SRPRB: variants seen among roughly 807,000 people sequenced by gnomAD.
SRPRB encodes SRP receptor subunit beta.
Under a neutral mutation model 31.9 loss-of-function variants are expected in SRPRB, and 20 were observed. The observed-to-expected ratio is 0.63, with a 90% CI of 0.44 to 0.91. SRPRB has a LOEUF of 0.91. SRPRB is among the 40% of genes least tolerant of loss of function. The pLI, the probability that SRPRB is intolerant of heterozygous loss-of-function variation, is 0.00. For missense variants in SRPRB, 321 were observed against 324.9 expected, an observed-to-expected ratio of 0.99 and a Z score of 0.09; for synonymous variants, 146 against 132.8, an observed-to-expected ratio of 1.10 and a Z score of -0.68.
downstream of SRPRB, among the ~76,000 whole-genome samples, chr3:133,822,686 T>G (rs536744324): frequency 1.7e-4 from 26 of 152,346 alleles, no homozygotes; most frequent in African/African-American, 6.3e-4. Context: ...TCAGCCAGTC[T>G]ATGTTTTTTC....
At chr3:133,804,787 A>G (rs975708351), upstream of SRPRB, among the ~76,000 whole-genome samples, 3 of 152,188 alleles carry the variant, frequency 2.0e-5, no homozygotes, top group African/African-American at 7.2e-5. Context: ...GCAATGTGGA[A>G]CTGTAATAAA....
At chr3:133,806,805 T>G in intron 2 of SRPRB, 102 bp downstream of exon 2, 1 of 903,614 alleles carries the variant, frequency 1.1e-6, no homozygotes, top group Non-Finnish European at 1.7e-6. Context: ...AAGCTGATGC[T>G]GTTAAATTTG....
upstream of SRPRB, among the ~76,000 whole-genome samples, chr3:133,802,463 A>G (rs6762366): frequency 0.019 from 2,864 of 152,240 alleles, 94 homozygotes; most frequent in African/African-American, 0.065. Flanking sequence ...GCTCATTAAC[A>G]TTAGAAACTA....
chr3:133,819,562 A>C lies in SRPRB; in HGVS notation c.612A>C (p.Leu204Phe). The change falls in exon 7 of 7, where the codon TTA becomes TTC. Residue 204 changes from leucine to phenylalanine, a missense_variant. Leu to Phe is a conservative substitution (Grantham distance 22, BLOSUM62 0). Transcript: ENST00000678299. Reference protein sequence around the residue: ...QQQLEKELNTLRVTRSAAPST... With the variant: ...QQQLEKELNTFRVTRSAAPST... Reference sequence around the variant, plus strand: ...TCCTTTTGCCCCACAGCAACACCTTACGAGTTACCCGTTCTGCTGCCCCCA... The same window carrying C: ...TCCTTTTGCCCCACAGCAACACCTTCCGAGTTACCCGTTCTGCTGCCCCCA... The C allele has an allele frequency of 3.1e-6, 5 of 1,613,550 alleles. No homozygotes were observed. The highest frequency in any genetic ancestry group is 4.2e-6 in the Non-Finnish European group (5 of 1,179,514).
At chr3:133,816,981 A>G (rs1347633171) in intron 6 of SRPRB, 49 bp downstream of exon 6, 1 of 1,455,754 alleles carries the variant, frequency 6.9e-7, no homozygotes, top group Admixed American at 1.9e-5. Context: ...TAACACTTAG[A>G]CTGTAAGCAG....
rs763770019 is a variant in SRPRB at position 133,819,703 on chromosome 3, AAGAG to A, written c.754_757del (p.Arg252GlyfsTer24). On this transcript the variant is annotated frameshift_variant, in exon 7 of 7. Transcript: ENST00000678299. LOFTEE classifies it high-confidence loss of function. ...TCCTGGAGTGCAGTGCCAAGGGTGGAAGAGGGGACGTGGGCTCTGCTGACATCCA... is the reference window on the plus strand; with the variant it reads ...TCCTGGAGTGCAGTGCCAAGGGTGGAGGGACGTGGGCTCTGCTGACATCCA... 1.8e-5 allele frequency: 29 copies of A among 1,614,020 alleles called. No individual in the cohort carries two copies. Among genetic ancestry groups the A allele is most frequent in the Non-Finnish European group, 2.3e-5 (27 of 1,180,030 alleles).
chr3:133,806,389 T>G (rs189118153), intron 1 of SRPRB, among the ~76,000 whole-genome samples: 1 of 152,206 alleles, frequency 6.6e-6, no homozygotes, highest in African/African-American at 2.4e-5. Flanking sequence ...AGCACCTGAG[T>G]CCCAGTCAGA....
chr3:133,807,482 T>A (rs113644535), intron 2 of SRPRB, among the ~76,000 whole-genome samples: 3,789 of 152,200 alleles, frequency 0.025, 101 homozygotes, highest in African/African-American at 0.064. Flanking sequence ...ATCATTTTTG[T>A]TGGTTAAAAA....
intron 1 of SRPRB, chr3:133,790,107 G>A (rs557002126): frequency 1.1e-4 from 17 of 152,156 alleles, no homozygotes; most frequent in Non-Finnish European, 2.5e-4. Flanking sequence ...ACTGTTAAAA[G>A]TGAAACAATT....
At chr3:133,825,848 G>C (rs996308909), downstream of SRPRB, 5 of 152,198 alleles carry the variant, frequency 3.3e-5, no homozygotes, top group African/African-American at 1.2e-4. Context: ...GCTCAATTGA[G>C]AACATTTCCT....
chr3:133,802,518 C>T (rs1559888662), upstream of SRPRB, among the ~76,000 whole-genome samples: 2 of 152,180 alleles, frequency 1.3e-5, no homozygotes, highest in Non-Finnish European at 2.9e-5. Flanking sequence ...GTCTTGCTTC[C>T]ATCCCCACAC....
At chr3:133,816,967 A>G in intron 6 of SRPRB, 35 bp downstream of exon 6, 1 of 1,557,350 alleles carries the variant, frequency 6.4e-7, no homozygotes. Context: ...TTAATTATAT[A>G]TCTTAACACT....
chr3:133,786,689 T>C (rs918336778), intron 1 of SRPRB: 3 of 152,204 alleles, frequency 2.0e-5, no homozygotes, highest in Admixed American at 6.5e-5. Flanking sequence ...TTCTGAAAAT[T>C]TGAGCATTAT....
chr3:133,815,831 A>C, intron 5 of SRPRB, 105 bp downstream of exon 5: 1 of 1,344,568 alleles, frequency 7.4e-7, no homozygotes, highest in South Asian at 1.4e-5. Flanking sequence ...ATGAGATACA[A>C]TTGCTGTAAA....
chr3:133,809,100 C>T (rs1026757521), intron 3 of SRPRB, among the ~76,000 whole-genome samples: 2 of 151,858 alleles, frequency 1.3e-5, no homozygotes, highest in African/African-American at 4.8e-5. Flanking sequence ...TGAAGCGATT[C>T]TCCTGCCTCA....
At chr3:133,826,530 G>C (rs2107981981), downstream of SRPRB, 1 of 152,808 alleles carries the variant, frequency 6.5e-6, no homozygotes, top group East Asian at 1.9e-4. Context: ...TGCCAACCAG[G>C]CAGGACACTG....
chr3:133,804,095 CAA>C (rs1205426598), upstream of SRPRB, among the ~76,000 whole-genome samples: 5 of 58,284 alleles, frequency 8.6e-5, no homozygotes, highest in Admixed American at 2.1e-4. Flanking sequence ...GACTCTGTCT[CAA>C]AAAAAAAAAA....
In SRPRB at chr3:133,819,885, C is replaced by A; in HGVS notation, c.*119C>A. On this transcript the variant is annotated 3_prime_UTR_variant, in exon 7 of 7. Coordinates refer to ENST00000678299, the MANE Select transcript of SRPRB (RefSeq NM_001379313.1). The stretch of plus-strand genomic sequence containing the variant: ...ATGTGGTTAGAAACATTTCTTTGTT[C>A]TGGAAACAAAGTACTGTTGAAACCA... 1 of 889,164 alleles carries A rather than the reference C, an allele frequency of 1.1e-6. No homozygotes were observed. Among genetic ancestry groups the A allele is most frequent in the Non-Finnish European group, 1.7e-6 (1 of 599,130 alleles). 55.1% of individuals were successfully genotyped at this position (889,164 alleles called of 1,614,324 possible).
chr3:133,826,794 C>T (rs1935570806), downstream of SRPRB: 1 of 152,686 alleles, frequency 6.5e-6, no homozygotes, highest in African/African-American at 2.4e-5. Context: ...CTTATTTCAA[C>T]ACGTTGCAGT....
Sources: allele counts gnomAD v4.1 joint callset (sites outside exome capture counted in the v4.1 genomes callset), GRCh38; gene constraint gnomAD v4.1.1; transcripts MANE v1.5; gene names NCBI Gene and HGNC (gene_info 2026-07-23, HGNC 2026-07-21).